CSPG4: variants seen among roughly 807,000 people sequenced by gnomAD.
The protein encoded by CSPG4 is chondroitin sulfate proteoglycan 4 (melanoma-associated).
Under a neutral mutation model 139.3 loss-of-function variants are expected in CSPG4, and 74 were observed. The observed-to-expected ratio is 0.53, with a 90% CI of 0.44 to 0.64. The LOEUF (loss-of-function observed/expected upper bound fraction) is 0.64. Ranked by LOEUF, CSPG4 falls within the 30% of genes least tolerant of loss-of-function variation. CSPG4 has a pLI of 0.00. For missense variants in CSPG4, 2,565 were observed against 3,148.3 expected (o/e 0.81, Z 4.43); for synonymous variants, 1,234 against 1,394.2 (o/e 0.89, Z 2.56).
At chr15:75,699,696 C>A (rs1400308815) in intron 1 of CSPG4, among the ~76,000 whole-genome samples, 6 of 151,954 alleles carry the variant, frequency 3.9e-5, no homozygotes, top group Admixed American at 1.3e-4. Context: ...CCAGAGTCCA[C>A]CCAGGCGGGA....
In CSPG4 at chr15:75,687,624, C is replaced by T. The variant is rs371879600; in HGVS notation, c.3441G>A (p.Thr1147=). The T allele has an allele frequency of 3.2e-5, 52 of 1,611,974 alleles. No individual in the cohort carries two copies. The African/African-American group carries it at 5.3e-4, about 17-fold the overall frequency. ...GGTTGGTGTCCAGGTGGAGCACGGC[C>T]GTGTCGATGGTGCCCTGGCCTCCTT... ...VPQGGQGTID[T]AVLHLDTNLD... Residue 1147 remains threonine (T), a synonymous_variant, in exon 3 of 10, where the codon ACG becomes ACA. Transcript: ENST00000308508. This position sits in a 1 kb window ranked among gnomAD's most constrained non-coding sequence, Gnocchi z 5.4.
rs992546823 is a variant in CSPG4 at position 75,696,540 on chromosome 15, C to T, written c.89-3307G>A. Among the ~76,000 whole-genome samples the T allele has an allele frequency of 2.0e-5, 3 of 152,010 alleles. No homozygotes were observed. The highest frequency in any genetic ancestry group is 7.3e-5 in the African/African-American group (3 of 41,362). On this transcript the variant is annotated intron_variant, in intron 1 of 9. Transcript: ENST00000308508. This position sits in a 1 kb window ranked among gnomAD's most constrained non-coding sequence, Gnocchi z 4.2. Reference sequence around the variant, plus strand: ...TGCGCGTGTGTGGGCCGGGAGCTGCCAGGACAGAGCAATGATTGTGCCCGG... The same window carrying T: ...TGCGCGTGTGTGGGCCGGGAGCTGCTAGGACAGAGCAATGATTGTGCCCGG...
Position 75,688,611 on chromosome 15 carries a change from GGGGCTT to G in CSPG4, c.2448_2453del (p.Ser817_Pro818del). 6.8e-6 allele frequency: 11 copies of G among 1,612,924 alleles called. No individual in the cohort carries two copies. Among genetic ancestry groups the G allele is most frequent in the Non-Finnish European group, 9.3e-6 (11 of 1,179,954 alleles). On this transcript the variant is annotated inframe_deletion, in exon 3 of 10. Coordinates refer to ENST00000308508, the MANE Select transcript of CSPG4 (RefSeq NM_001897.5). ...GAACCACCTCATAATGGAAGGTTGG[GGGGCTT>G]GGGCCTGCCTCCTCCAGGGTGGCCT...
intron 1 of CSPG4, among the ~76,000 whole-genome samples, chr15:75,711,923 C>T (rs570620951): frequency 1.3e-5 from 2 of 152,024 alleles, no homozygotes; most frequent in African/African-American, 4.8e-5. Context: ...TCTGCTGGGT[C>T]AGGCATCAGT....
intron 1 of CSPG4, among the ~76,000 whole-genome samples, chr15:75,697,395 C>T (rs1381081043): frequency 6.6e-6 from 1 of 152,250 alleles, no homozygotes; most frequent in Non-Finnish European, 1.5e-5. Flanking sequence ...ACAGCATCAG[C>T]ATTCTCTGTA....
intron 1 of CSPG4, among the ~76,000 whole-genome samples, chr15:75,697,785 T>C (rs1443394907): frequency 6.6e-6 from 1 of 151,912 alleles, no homozygotes; most frequent in East Asian, 1.9e-4. Flanking sequence ...TGGACATCTG[T>C]ATGTGGGGGA....
chr15:75,690,501 C>T lies in CSPG4; in HGVS notation c.564G>A (p.Val188=), dbSNP rs1566975292. The T allele has an allele frequency of 6.2e-7, 1 of 1,609,622 alleles. No individual in the cohort carries two copies. The highest frequency in any genetic ancestry group is 2.2e-5 in the East Asian group (1 of 44,850). ...RSLLRPLTPD[V]HEGCAEEFSA... ...AAAACTCTTCAGCACAGCCCTCATG[C>T]ACATCGGGGGTCAGAGGCCGGAGGA... is the stretch of plus-strand genomic sequence containing the variant. The change falls in exon 3 of 10, where the codon GTG becomes GTA. Residue 188 remains valine (V), a synonymous_variant. Transcript: ENST00000308508.
chr15:75,694,437 A>C (rs1894201616), intron 1 of CSPG4, among the ~76,000 whole-genome samples: 1 of 152,166 alleles, frequency 6.6e-6, no homozygotes, highest in African/African-American at 2.4e-5. Flanking sequence ...CGGGTTAAAA[A>C]CGGTGATTCA....
intron 1 of CSPG4, among the ~76,000 whole-genome samples, chr15:75,693,793 C>G (rs189245224): frequency 6.6e-6 from 1 of 152,396 alleles, no homozygotes; most frequent in Admixed American, 6.5e-5. Flanking sequence ...GAGGCCACGA[C>G]TGGGATCTGG....
chr15:75,684,939 C>T, intron 4 of CSPG4, 27 bp from the exon 5 acceptor site: 1 of 1,593,788 alleles, frequency 6.3e-7, no homozygotes, highest in South Asian at 1.1e-5. Context: ...GGCTGGCAGT[C>T]AGGCCCCAGC....
intron 1 of CSPG4, among the ~76,000 whole-genome samples, chr15:75,701,721 G>T (rs1211879186): frequency 6.6e-6 from 1 of 152,186 alleles, no homozygotes; most frequent in East Asian, 1.9e-4. Context: ...CAGGCCCACT[G>T]CCAGTGTCCC....
chr15:75,681,460 A>G (rs1328439131), intron 8 of CSPG4, among the ~76,000 whole-genome samples: 1 of 152,130 alleles, frequency 6.6e-6, no homozygotes, highest in Non-Finnish European at 1.5e-5. Context: ...CTCCTGAGTG[A>G]GAGTCAGCTC....
At position 75,674,364 on chromosome 15, in the gene CSPG4, C is replaced by T. The variant is rs1893859830; in HGVS notation, c.*1186G>A. ...TTATTTTAATTTTTGTCTTGCAGCT[C>T]TTTGTAGAGGACCTAGCCTTTCTCT... On this transcript the variant is annotated 3_prime_UTR_variant, in exon 10 of 10. Coordinates refer to ENST00000308508, the MANE Select transcript of CSPG4 (RefSeq NM_001897.5). The T allele has an allele frequency of 4.6e-6, 1 of 217,098 alleles. No individual in the cohort carries two copies. Among genetic ancestry groups the T allele is most frequent in the Non-Finnish European group, 9.1e-6 (1 of 109,998 alleles). 13.4% of individuals were successfully genotyped at this position (217,098 alleles called of 1,614,324 possible). A position where few individuals can be genotyped will look rare whatever the true frequency, so the allele number is the denominator to read the frequency against.
rs1020839846 is a variant in CSPG4, at chr15:75,687,071, C to G, written c.3789+205G>C. Reference sequence around the variant, plus strand: ...TGGACACAACCTCTGGAGGCGCACACAACTCCCAGGAGGATGGGTGTATAG... The same window carrying G: ...TGGACACAACCTCTGGAGGCGCACAGAACTCCCAGGAGGATGGGTGTATAG... On this transcript the variant is annotated intron_variant, in intron 3 of 9. Coordinates refer to ENST00000308508, the MANE Select transcript of CSPG4 (RefSeq NM_001897.5). This position sits in a 1 kb window ranked among gnomAD's most constrained non-coding sequence, Gnocchi z 5.4. Among the ~76,000 whole-genome samples the G allele has an allele frequency of 3.3e-5, 5 of 151,978 alleles. No individual in the cohort carries two copies. Among genetic ancestry groups the G allele is most frequent in the African/African-American group, 1.2e-4 (5 of 41,394 alleles).
In CSPG4 at chr15:75,687,096, G is replaced by C. The variant is rs967782880; in HGVS notation, c.3789+180C>G. Among the ~76,000 whole-genome samples, 2 of 152,084 alleles carry C rather than the reference G, an allele frequency of 1.3e-5. No individual in the cohort carries two copies. Among genetic ancestry groups the C allele is most frequent in the African/African-American group, 4.8e-5 (2 of 41,428 alleles). ...CAACTCCCAGGAGGATGGGTGTATAGCAAGCTCCCCAGAAACTCCTGGGAG... is the reference window on the plus strand; with the variant it reads ...CAACTCCCAGGAGGATGGGTGTATACCAAGCTCCCCAGAAACTCCTGGGAG... On this transcript the variant is annotated intron_variant, in intron 3 of 9. Coordinates refer to ENST00000308508, the MANE Select transcript of CSPG4 (RefSeq NM_001897.5). The surrounding 1 kb of genome is among the most constrained non-coding windows in gnomAD (Gnocchi z 5.4).
chr15:75,702,768 A>AAAATAG (rs1894322203), intron 1 of CSPG4, among the ~76,000 whole-genome samples: 1 of 152,218 alleles, frequency 6.6e-6, no homozygotes, highest in African/African-American at 2.4e-5. Context: ...GTTTTTAAAG[A>AAAATAG]AAATAGAATC....
At chr15:75,707,626 T>C (rs1306464132) in intron 1 of CSPG4, among the ~76,000 whole-genome samples, 1 of 152,180 alleles carries the variant, frequency 6.6e-6, no homozygotes, top group Non-Finnish European at 1.5e-5. Context: ...GCTCCCAGAC[T>C]TGGGGAAGGA....
At position 75,675,065 on chromosome 15, in the gene CSPG4, G is replaced by GT. The variant is rs1893870165; in HGVS notation, c.*484dup. ...TCTCCCTAAAAAACCAGGGGAGGAA[G>GT]TTTTTTTCTCAACTCTGGGGCAGAG... is the stretch of plus-strand genomic sequence containing the variant. On this transcript the variant is annotated 3_prime_UTR_variant, in exon 10 of 10. Transcript: ENST00000308508. 2 of 373,444 alleles carry GT rather than the reference G, an allele frequency of 5.4e-6. No individual in the cohort carries two copies. The highest frequency in any genetic ancestry group is 9.1e-5 in the Admixed American group (2 of 21,882). The allele number at this position is 373,444 out of a possible 1,614,324, so 23.1% of individuals were successfully genotyped here. A position where few individuals can be genotyped will look rare whatever the true frequency, so the allele number is the denominator to read the frequency against.
intron 8 of CSPG4, chr15:75,680,490 C>T (rs1893958334): frequency 6.6e-6 from 1 of 152,564 alleles, no homozygotes; most frequent in Admixed American, 6.5e-5. Flanking sequence ...CGTCTGTGGG[C>T]CAGATCTGGC....
Sources: gnomAD v4.1 joint callset for allele counts (sites outside exome capture counted in the v4.1 genomes callset) on GRCh38, gnomAD v4.1.1 for gene constraint, Gnocchi (gnomAD v3.1) non-coding constraint, MANE v1.5 for transcripts, NCBI Gene and HGNC (gene_info 2026-07-23, HGNC 2026-07-21) for gene names.